Variants in KIFAP3 observed in about 807,000 individuals in gnomAD.
KIFAP3 encodes the protein kinesin-associated protein 3.
KIFAP3 carries 68 observed loss-of-function variants against 106.5 expected under a neutral mutation model. That is an observed-to-expected ratio of 0.64 (90% confidence interval 0.53 to 0.78). The LOEUF (loss-of-function observed/expected upper bound fraction) is 0.78. Among genes scored for constraint, KIFAP3 ranks in the 30% least tolerant of loss-of-function variants. The pLI is 0.00. For synonymous variants in KIFAP3, 320 were observed against 311.5 expected, an observed-to-expected ratio of 1.03 and a Z score of -0.29; for missense variants, 780 against 941.8, an observed-to-expected ratio of 0.83 and a Z score of 2.25.
intron 18 of KIFAP3, among the ~76,000 whole-genome samples, chr1:169,955,177 C>T (rs534004394): frequency 2.6e-5 from 4 of 152,108 alleles, no homozygotes; most frequent in Admixed American, 6.5e-5. Flanking sequence ...GTCATACCTA[C>T]CACATTGTTT....
chr1:170,041,837 C>T, intron 3 of KIFAP3: 1 of 1,446,952 alleles, frequency 6.9e-7, no homozygotes, highest in Non-Finnish European at 9.2e-7. Flanking sequence ...TGACCCTTCC[C>T]AATCTGTAAA....
chr1:170,071,935 C>T (rs996467667), intron 1 of KIFAP3, among the ~76,000 whole-genome samples: 3 of 152,186 alleles, frequency 2.0e-5, no homozygotes, highest in Non-Finnish European at 2.9e-5. Context: ...AAAAGCCACA[C>T]ACTTTTTTCA....
chr1:169,943,002 G>T (rs916348640), intron 19 of KIFAP3, among the ~76,000 whole-genome samples: 7 of 138,850 alleles, frequency 5.0e-5, no homozygotes, highest in African/African-American at 1.6e-4. Context: ...ATTAACGCAG[G>T]TAGGTCTTCA....
At chr1:170,015,824 T>A (rs1326086379) in intron 10 of KIFAP3, among the ~76,000 whole-genome samples, 3 of 152,192 alleles carry the variant, frequency 2.0e-5, no homozygotes, top group Admixed American at 2.0e-4. Context: ...GACTGCACAA[T>A]GTTAACTCTT....
intron 7 of KIFAP3, 128 bp downstream of exon 7, chr1:170,034,244 C>T: frequency 2.5e-6 from 2 of 792,792 alleles, no homozygotes; most frequent in Non-Finnish European, 4.1e-6. Context: ...CAATAACACA[C>T]TCCTGCATTG....
chr1:169,968,822 G>A (rs1665764149), intron 17 of KIFAP3, among the ~76,000 whole-genome samples: 1 of 138,496 alleles, frequency 7.2e-6, no homozygotes, highest in East Asian at 2.5e-4. Flanking sequence ...AAGTCCAAAT[G>A]TTGCCAATTA....
chr1:170,060,504 AT>A (rs1386717245), intron 1 of KIFAP3, among the ~76,000 whole-genome samples: 3 of 152,200 alleles, frequency 2.0e-5, no homozygotes, highest in Non-Finnish European at 2.9e-5. Flanking sequence ...GCTCAACGAA[AT>A]AAAAGAGGAC....
chr1:170,031,513 A>T (rs1382566117), intron 8 of KIFAP3, among the ~76,000 whole-genome samples: 1 of 150,758 alleles, frequency 6.6e-6, no homozygotes, highest in African/African-American at 2.5e-5. Flanking sequence ...CTATTAAACA[A>T]GAGAAATATT....
intron 16 of KIFAP3, among the ~76,000 whole-genome samples, chr1:169,977,688 G>C (rs935781855): frequency 2.0e-5 from 3 of 152,106 alleles, no homozygotes; most frequent in African/African-American, 7.2e-5. Flanking sequence ...GGGTTATGAA[G>C]ATTAAATAGT....
At chr1:169,950,984 G>A (rs1664698154) in intron 19 of KIFAP3, among the ~76,000 whole-genome samples, 1 of 137,978 alleles carries the variant, frequency 7.2e-6, no homozygotes, top group African/African-American at 2.7e-5. Context: ...AAAGAGCTTA[G>A]AGGTCCTATT....
At chr1:170,019,597 C>T (rs1374185950) in intron 9 of KIFAP3, among the ~76,000 whole-genome samples, 1 of 152,084 alleles carries the variant, frequency 6.6e-6, no homozygotes, top group Admixed American at 6.5e-5. Flanking sequence ...ATATGATTAT[C>T]TCAGTAATAG....
At chr1:169,957,604 T>C in intron 18 of KIFAP3, among the ~76,000 whole-genome samples, 1 of 152,258 alleles carries the variant, frequency 6.6e-6, no homozygotes, top group East Asian at 1.9e-4. Flanking sequence ...CATATACTCT[T>C]ACTGAAATAC....
At chr1:170,042,509 T>C (rs1354270171) in intron 3 of KIFAP3, among the ~76,000 whole-genome samples, 1 of 152,230 alleles carries the variant, frequency 6.6e-6, no homozygotes, top group Non-Finnish European at 1.5e-5. Flanking sequence ...TTGGGAAATA[T>C]TGACTGCAGT....
intron 10 of KIFAP3, among the ~76,000 whole-genome samples, chr1:169,993,709 A>G: frequency 6.6e-6 from 1 of 152,126 alleles, no homozygotes; most frequent in Non-Finnish European, 1.5e-5. Context: ...CAACATGGAA[A>G]CCCTGTCTCT....
chr1:169,979,226 A>G (rs1362746615), intron 15 of KIFAP3, among the ~76,000 whole-genome samples: 1 of 152,086 alleles, frequency 6.6e-6, no homozygotes, highest in Admixed American at 6.6e-5. Flanking sequence ...AGCTCTCCAC[A>G]AAATCTTCAT....
chr1:169,986,349 G>A (rs1571610119), intron 11 of KIFAP3, among the ~76,000 whole-genome samples: 1 of 151,906 alleles, frequency 6.6e-6, no homozygotes, highest in Admixed American at 6.6e-5. Flanking sequence ...CAAATTGTTA[G>A]GTATAATTCT....
Position 169,983,400 on chromosome 1 carries a change from C to T in KIFAP3, c.1394-18G>A, listed in dbSNP as rs376871207. On this transcript the variant is annotated intron_variant, in intron 12 of 19. Coordinates refer to ENST00000361580, the MANE Select transcript of KIFAP3 (RefSeq NM_014970.4). ...CCCATTTCCTGAAACAGAAAAGTCC[C>T]CCAATAAAATTAAGGTTAGCTTAAG... 1.3e-5 allele frequency: 20 copies of T among 1,531,792 alleles called. No individual in the cohort carries two copies. Among genetic ancestry groups the T allele is most frequent in the Non-Finnish European group, 1.8e-5 (20 of 1,113,596 alleles). The allele number at this position is 1,531,792 out of a possible 1,614,324, so 94.9% of individuals were successfully genotyped here.
At chr1:169,978,273 A>G (rs1666333309) in intron 15 of KIFAP3, 90 bp from the exon 16 acceptor site, 2 of 802,752 alleles carry the variant, frequency 2.5e-6, no homozygotes, top group Admixed American at 4.5e-5. Context: ...AACGAGAAAA[A>G]CTAAAAGTGA....
At chr1:170,039,985 T>C (rs940875900) in intron 3 of KIFAP3, among the ~76,000 whole-genome samples, 5 of 152,080 alleles carry the variant, frequency 3.3e-5, no homozygotes, top group African/African-American at 1.2e-4. Flanking sequence ...GGATCATAAG[T>C]CTAAGTAATG....
Sources: gnomAD v4.1 joint callset for allele counts (sites outside exome capture counted in the v4.1 genomes callset) on GRCh38, gnomAD v4.1.1 for gene constraint, MANE v1.5 for transcripts, NCBI Gene and HGNC (gene_info 2026-07-23, HGNC 2026-07-21) for gene names.